Variants in DLGAP4 observed in about 807,000 individuals in gnomAD.
DLGAP4 encodes DLG associated protein 4.
DLGAP4 carries 18 observed loss-of-function variants against 86.9 expected under a neutral mutation model. The ratio of observed to expected loss-of-function variants is 0.21; its 90% CI spans 0.14 to 0.31. The LOEUF (loss-of-function observed/expected upper bound fraction) is 0.31. Among genes scored for constraint, DLGAP4 ranks in the 10% least tolerant of loss-of-function variants. DLGAP4 has a pLI of 1.00. For missense variants in DLGAP4, 1,085 were observed against 1,362.6 expected, an observed-to-expected ratio of 0.80 and a Z score of 3.21; for synonymous variants, 548 against 574.3, an observed-to-expected ratio of 0.95 and a Z score of 0.65.
Position 36,528,455 on chromosome 20 carries a change from C to A in DLGAP4, c.*1424C>A, listed in dbSNP as rs925842005. ...CTTGCTGCAGGGGGGGACCCCCCCC[C>A]GTCCCCAGGTGAACCAAGGGTCTGC... On this transcript the variant is annotated 3_prime_UTR_variant, in exon 13 of 13. Transcript: ENST00000339266. 6.6e-6 allele frequency: 1 copy of A among 152,536 alleles called. No individual in the cohort carries two copies. The highest frequency in any genetic ancestry group is 1.5e-5 in the Non-Finnish European group (1 of 68,240). 9.4% of individuals were successfully genotyped at this position (152,536 alleles called of 1,614,324 possible). A position where few individuals can be genotyped will look rare whatever the true frequency, so the allele number is the denominator to read the frequency against.
At chr20:36,427,123 C>T (rs974392899) in intron 2 of DLGAP4, among the ~76,000 whole-genome samples, 1 of 151,982 alleles carries the variant, frequency 6.6e-6, no homozygotes, top group Non-Finnish European at 1.5e-5. Flanking sequence ...ATCAAAGCTG[C>T]GGTGAGCTAT....
rs1233549012 is a variant in DLGAP4 at position 36,525,239 on chromosome 20, AAAAAAAAAAAAAAAAC to A, written c.2605-608_2605-593del. 7.3e-4 allele frequency among the ~76,000 whole-genome samples: 94 copies of A among 128,902 alleles called. 2 individuals are homozygous for A. Among genetic ancestry groups the A allele is most frequent in the African/African-American group, 1.3e-3 (44 of 32,676 alleles). The allele number at this position is 128,902 out of a possible 152,430, so 84.6% of individuals were successfully genotyped here. ...CTCAAAAAAAAAAAAAAAAAAAAAA[AAAAAAAAAAAAAAAAC>A]AAAGAAATCCCACTGCTGGGATTGG... is the stretch of plus-strand genomic sequence containing the variant. On this transcript the variant is annotated intron_variant, in intron 11 of 12. Coordinates refer to ENST00000339266, the MANE Select transcript of DLGAP4 (RefSeq NM_001365621.2).
At chr20:36,328,807 C>G (rs1217684697) in intron 1 of DLGAP4, among the ~76,000 whole-genome samples, 1 of 150,038 alleles carries the variant, frequency 6.7e-6, no homozygotes, top group Non-Finnish European at 1.5e-5. Context: ...GACGGAGTCT[C>G]TCTCTATTAT....
chr20:36,423,979 T>A (rs1181818732), intron 2 of DLGAP4, among the ~76,000 whole-genome samples: 1 of 151,502 alleles, frequency 6.6e-6, no homozygotes, highest in Non-Finnish European at 1.5e-5. Flanking sequence ...CGAAAACGGA[T>A]CATTATCCCC....
chr20:36,318,592 T>C (rs2147341681), intron 1 of DLGAP4, among the ~76,000 whole-genome samples: 1 of 152,296 alleles, frequency 6.6e-6, no homozygotes, highest in African/African-American at 2.4e-5. Flanking sequence ...CAGGCTGGTC[T>C]TGAACTCCTG....
chr20:36,395,934 G>A (rs899923148), intron 2 of DLGAP4, among the ~76,000 whole-genome samples: 2 of 152,144 alleles, frequency 1.3e-5, no homozygotes, highest in Non-Finnish European at 2.9e-5. Flanking sequence ...AAAGGCATGA[G>A]GCTTTAAGAA....
chr20:36,403,227 A>G (rs1221459357), intron 2 of DLGAP4, among the ~76,000 whole-genome samples: 1 of 152,158 alleles, frequency 6.6e-6, no homozygotes, highest in Admixed American at 6.5e-5. Flanking sequence ...CCTTCTTGCT[A>G]TGTCATAACA....
chr20:36,454,158 C>T (rs6067255), intron 7 of DLGAP4, among the ~76,000 whole-genome samples: 2 of 150,726 alleles, frequency 1.3e-5, no homozygotes, highest in South Asian at 4.2e-4. Context: ...ACTCGGGAGG[C>T]TGAGGCAGGA....
At chr20:36,332,975 A>G (rs1555891723) in intron 1 of DLGAP4, among the ~76,000 whole-genome samples, 1 of 152,174 alleles carries the variant, frequency 6.6e-6, no homozygotes, top group Non-Finnish European at 1.5e-5. Context: ...CCAAGAGCAA[A>G]TTCTCACCCT....
chr20:36,374,032 CAAAAAAA>C (rs11472489), intron 2 of DLGAP4, among the ~76,000 whole-genome samples: 1 of 115,686 alleles, frequency 8.6e-6, no homozygotes, highest in Non-Finnish European at 1.7e-5. Flanking sequence ...GAGACTGTCT[CAAAAAAA>C]AAAAAAAAAA....
intron 7 of DLGAP4, among the ~76,000 whole-genome samples, chr20:36,455,409 G>A (rs1418671325): frequency 6.6e-6 from 1 of 152,178 alleles, no homozygotes; most frequent in Non-Finnish European, 1.5e-5. Flanking sequence ...AAGGTGGTGG[G>A]CTGCAGGGTG....
intron 8 of DLGAP4, 108 bp from the exon 9 acceptor site, chr20:36,499,480 C>A (rs1029071431): frequency 7.3e-7 from 1 of 1,368,082 alleles, no homozygotes; most frequent in East Asian, 2.5e-5. Context: ...TCTGTCCACA[C>A]GTCCGTTTGC....
intron 1 of DLGAP4, among the ~76,000 whole-genome samples, chr20:36,307,388 C>T (rs983031597): frequency 5.9e-5 from 9 of 152,176 alleles, no homozygotes; most frequent in African/African-American, 2.2e-4. Flanking sequence ...CCGAACCTGC[C>T]GCTCCGATCC....
At chr20:36,414,315 C>G (rs1158942143) in intron 2 of DLGAP4, among the ~76,000 whole-genome samples, 2 of 152,160 alleles carry the variant, frequency 1.3e-5, no homozygotes, top group Admixed American at 1.3e-4. Flanking sequence ...CTTCCCAGCC[C>G]TATAGTTGTC....
At chr20:36,498,853 A>G (rs1459828294) in intron 8 of DLGAP4, 2 of 171,282 alleles carry the variant, frequency 1.2e-5, no homozygotes, top group Non-Finnish European at 2.5e-5. Flanking sequence ...AGGCAGGCGC[A>G]GGGCATCACT....
At chr20:36,369,094 G>A (rs766137889) in intron 2 of DLGAP4, among the ~76,000 whole-genome samples, 14 of 152,172 alleles carry the variant, frequency 9.2e-5, no homozygotes, top group South Asian at 2.1e-4. Flanking sequence ...ATGGAGGCCC[G>A]GGCGGCAGCG....
chr20:36,333,832 G>C (rs974794628), intron 1 of DLGAP4, among the ~76,000 whole-genome samples: 3 of 152,180 alleles, frequency 2.0e-5, no homozygotes, highest in African/African-American at 7.2e-5. Flanking sequence ...TTCCCAAATG[G>C]GTGAAAACAT....
intron 7 of DLGAP4, chr20:36,462,608 TG>T (rs764522630): frequency 6.3e-7 from 1 of 1,593,716 alleles, no homozygotes; most frequent in South Asian, 1.1e-5. Flanking sequence ...ATGTGAGTGG[TG>T]GGGTGTCCGG....
At chr20:36,504,160 C>A (rs566161773) in intron 10 of DLGAP4, among the ~76,000 whole-genome samples, 1 of 152,192 alleles carries the variant, frequency 6.6e-6, no homozygotes, top group Non-Finnish European at 1.5e-5. Flanking sequence ...TAATTATATT[C>A]ACAATATTGC....
Sources: allele counts gnomAD v4.1 joint callset (sites outside exome capture counted in the v4.1 genomes callset), GRCh38; gene constraint gnomAD v4.1.1; transcripts MANE v1.5; gene names NCBI Gene and HGNC (gene_info 2026-07-23, HGNC 2026-07-21).